PPARGC1A: variants seen among roughly 807,000 people sequenced by gnomAD.
PPARGC1A encodes the protein peroxisome proliferator-activated receptor gamma coactivator 1-alpha.
PPARGC1A carries 25 observed loss-of-function variants against 88.7 expected under a neutral mutation model. That is an observed-to-expected ratio of 0.28 (90% CI 0.21 to 0.39). The LOEUF (loss-of-function observed/expected upper bound fraction) is 0.39. PPARGC1A is among the 10% of genes least tolerant of loss of function. The pLI, the probability that PPARGC1A is intolerant of heterozygous loss-of-function variation, is 1.00. For synonymous variants in PPARGC1A, 363 were observed against 355.6 expected (o/e 1.02, Z -0.24); for missense variants, 880 against 968.7 (o/e 0.91, Z 1.22).
Position 23,797,207 on chromosome 4 carries a change from G to A in PPARGC1A, c.2294-1282C>T, listed in dbSNP as rs574713142. Among the ~76,000 whole-genome samples, 91 of 152,128 alleles carry A rather than the reference G, an allele frequency of 6.0e-4. 2 individuals carry two copies. The South Asian group carries it at 0.018, about 31-fold the overall frequency. On this transcript the variant is annotated intron_variant, in intron 12 of 12. Coordinates refer to ENST00000264867, the MANE Select transcript of PPARGC1A (RefSeq NM_013261.5). ...AATCATAAAAAACGGAGACAAAACT[G>A]GCCAATCTTTCCTCAATAGCATCTT...
the PPARGC1A span, among the ~76,000 whole-genome samples, chr4:24,444,599 G>A: frequency 6.6e-6 from 1 of 152,206 alleles, no homozygotes; most frequent in East Asian, 1.9e-4. Context: ...GGTCATGCAT[G>A]AGCCATTGCT....
chr4:24,147,960 C>CA, the PPARGC1A span, among the ~76,000 whole-genome samples: 25 of 147,890 alleles, frequency 1.7e-4, no homozygotes, highest in East Asian at 2.5e-3. Flanking sequence ...AACAAACAAA[C>CA]AAAAAAAATA....
At chr4:24,458,598 G>A in the PPARGC1A span, among the ~76,000 whole-genome samples, 1 of 152,212 alleles carries the variant, frequency 6.6e-6, no homozygotes, top group Non-Finnish European at 1.5e-5. Flanking sequence ...TGGAGTGTAA[G>A]TTGGTGCATC....
chr4:24,415,695 T>C, the PPARGC1A span, among the ~76,000 whole-genome samples: 1 of 152,352 alleles, frequency 6.6e-6, no homozygotes, highest in Admixed American at 6.5e-5. Flanking sequence ...AAGTTTGTTT[T>C]GCTTGAAGAA....
the PPARGC1A span, among the ~76,000 whole-genome samples, chr4:23,934,817 C>G: frequency 6.6e-6 from 1 of 152,164 alleles, no homozygotes; most frequent in East Asian, 1.9e-4. Context: ...ACCCCGGATC[C>G]AGGAAGTGAA....
At chr4:24,218,323 A>C in the PPARGC1A span, among the ~76,000 whole-genome samples, 1 of 152,260 alleles carries the variant, frequency 6.6e-6, no homozygotes, top group Admixed American at 6.5e-5. Context: ...CCTGGTACAC[A>C]AAAGATGAAA....
At chr4:24,253,653 G>A in the PPARGC1A span, among the ~76,000 whole-genome samples, 1 of 152,210 alleles carries the variant, frequency 6.6e-6, no homozygotes, top group African/African-American at 2.4e-5. Flanking sequence ...GAGACATCTA[G>A]GACACAAAAT....
chr4:24,304,893 C>T, the PPARGC1A span, among the ~76,000 whole-genome samples: 4 of 151,940 alleles, frequency 2.6e-5, no homozygotes, highest in African/African-American at 4.8e-5. Context: ...TAAAGAAGGA[C>T]AGAAAGCCAA....
At chr4:23,829,655 T>G in intron 3 of PPARGC1A, 70 bp from the exon 4 acceptor site, 1 of 1,417,790 alleles carries the variant, frequency 7.1e-7, no homozygotes, top group South Asian at 1.5e-5. Context: ...GAATAAGTTA[T>G]TGAAATTTTA....
the PPARGC1A span, among the ~76,000 whole-genome samples, chr4:24,225,538 A>AACAC: frequency 6.6e-6 from 1 of 151,724 alleles, no homozygotes; most frequent in African/African-American, 2.4e-5. Context: ...TCAAAAAAAA[A>AACAC]ACACACACAC....
chr4:23,966,474 G>A, the PPARGC1A span, among the ~76,000 whole-genome samples: 1 of 152,186 alleles, frequency 6.6e-6, no homozygotes, highest in Non-Finnish European at 1.5e-5. Context: ...CAGGGCAGTA[G>A]AGATTATGCA....
the PPARGC1A span, among the ~76,000 whole-genome samples, chr4:23,934,948 A>G: frequency 6.6e-6 from 1 of 152,220 alleles, no homozygotes; most frequent in African/African-American, 2.4e-5. Context: ...TTGTCTCTGC[A>G]TGTGAGCTGC....
At chr4:24,245,843 T>C in the PPARGC1A span, among the ~76,000 whole-genome samples, 1 of 149,044 alleles carries the variant, frequency 6.7e-6, no homozygotes, top group Non-Finnish European at 1.5e-5. Flanking sequence ...TTGACATAAA[T>C]AGTGCTTAAT....
chr4:23,926,457 T>C, the PPARGC1A span, among the ~76,000 whole-genome samples: 2 of 152,174 alleles, frequency 1.3e-5, no homozygotes, highest in South Asian at 4.1e-4. Context: ...AAGCCAGCGA[T>C]CTTTCTAAAA....
chr4:24,027,629 T>A, the PPARGC1A span, among the ~76,000 whole-genome samples: 3 of 152,172 alleles, frequency 2.0e-5, no homozygotes, highest in African/African-American at 7.2e-5. Context: ...ATTGAACAAG[T>A]ATCTTAACTA....
At chr4:23,965,110 G>T in the PPARGC1A span, among the ~76,000 whole-genome samples, 2 of 152,152 alleles carry the variant, frequency 1.3e-5, no homozygotes, top group East Asian at 3.9e-4. Flanking sequence ...CCCCGTATCT[G>T]ACCACTAAGG....
intron 2 of PPARGC1A, among the ~76,000 whole-genome samples, chr4:23,857,113 A>T (rs1011132567): frequency 4.6e-5 from 7 of 152,012 alleles, no homozygotes; most frequent in Admixed American, 1.3e-4. Context: ...AGGAATAGCA[A>T]ATACATGTAA....
chr4:24,379,246 G>C, the PPARGC1A span, among the ~76,000 whole-genome samples: 1 of 152,166 alleles, frequency 6.6e-6, no homozygotes, highest in Non-Finnish European at 1.5e-5. Context: ...TGGATGTAGA[G>C]AGTAGAATAA....
the PPARGC1A span, among the ~76,000 whole-genome samples, chr4:23,984,993 A>G: frequency 6.6e-6 from 1 of 152,244 alleles, no homozygotes; most frequent in East Asian, 1.9e-4. Context: ...TCTAAGGCTG[A>G]CAAACATTTC....
Sources: allele counts gnomAD v4.1 joint callset (sites outside exome capture counted in the v4.1 genomes callset), GRCh38; gene constraint gnomAD v4.1.1; transcripts MANE v1.5; gene names NCBI Gene and HGNC (gene_info 2026-07-23, HGNC 2026-07-21).